The following PTPRN variants were observed in gnomAD, a reference collection of about 807,000 sequenced individuals.
PTPRN encodes the protein receptor-type tyrosine-protein phosphatase-like N.
A neutral mutation model predicts 108.5 loss-of-function variants in PTPRN; 70 were observed. The observed-to-expected ratio is 0.65, with a 90% CI of 0.53 to 0.79. The LOEUF (loss-of-function observed/expected upper bound fraction) is 0.79, where lower values mean the gene tolerates loss of function less well. Among genes scored for constraint, PTPRN ranks in the 30% least tolerant of loss-of-function variants. PTPRN has a pLI of 0.00. For synonymous variants in PTPRN, 496 were observed against 524.6 expected (o/e 0.95, Z 0.75); for missense variants, 1,136 against 1,295.5 (o/e 0.88, Z 1.89).
At position 219,307,455 on chromosome 2, in the gene PTPRN, AGTTGT is replaced by A; in HGVS notation, c.264_268del (p.Gln89HisfsTer10). On this transcript the variant is annotated frameshift_variant, in exon 3 of 23. Transcript: ENST00000295718. LOFTEE classifies it high-confidence loss of function. Reference sequence around the variant, plus strand: ...CACCCAGACCTTACCTTGGGACATGAGTTGTCGGAGCACACCTTGTAAGCGTTGGA... The same window carrying A: ...CACCCAGACCTTACCTTGGGACATGACGGAGCACACCTTGTAAGCGTTGGA... 6.2e-7 allele frequency: 1 copy of A among 1,613,952 alleles called. No homozygotes were observed. The highest frequency in any genetic ancestry group is 8.5e-7 in the Non-Finnish European group (1 of 1,179,928).
intron 18 of PTPRN, 183 bp from the exon 19 acceptor site, chr2:219,295,324 A>C: frequency 1.7e-6 from 1 of 590,492 alleles, no homozygotes; most frequent in African/African-American, 1.9e-5. Context: ...GCTCAGGACC[A>C]CTAGTAGCTT....
At position 219,300,932 on chromosome 2, in the gene PTPRN, T is replaced by C; in HGVS notation, c.1161+11A>G. 1 of 1,613,888 alleles carries C rather than the reference T, an allele frequency of 6.2e-7. No homozygotes were observed. Among genetic ancestry groups the C allele is most frequent in the Non-Finnish European group, 8.5e-7 (1 of 1,179,758 alleles). On this transcript the variant is annotated intron_variant, in intron 8 of 22. Coordinates refer to ENST00000295718, the MANE Select transcript of PTPRN (RefSeq NM_002846.4). ...GGGTGATTATGAGTCAAGGAGGTGCTGGGGACTCACTTTCTTGATATCAGC... is the reference window on the plus strand; with the variant it reads ...GGGTGATTATGAGTCAAGGAGGTGCCGGGGACTCACTTTCTTGATATCAGC...
In PTPRN at chr2:219,302,306, G is replaced by A; in HGVS notation, c.825C>T (p.Asp275=). The A allele has an allele frequency of 6.2e-7, 1 of 1,614,074 alleles. No homozygotes were observed. The highest frequency in any genetic ancestry group is 8.5e-7 in the Non-Finnish European group (1 of 1,179,968). The change falls in exon 6 of 23, where the codon GAC becomes GAT. Residue 275 remains aspartate, a synonymous_variant. Coordinates refer to ENST00000295718, the MANE Select transcript of PTPRN (RefSeq NM_002846.4). The stretch of plus-strand genomic sequence containing the variant: ...CCTGGGCCAGATAGAGCAGCCCAGA[G>A]TCTTGAAAAAGCTGGGCAGGTGAAG... ...PGPSPAQLFQ[D]SGLLYLAQEL... is the part of the protein sequence containing the mutation.
chr2:219,298,989 T>A (rs564100131), intron 12 of PTPRN, 58 bp downstream of exon 12: 1 of 1,599,152 alleles, frequency 6.3e-7, no homozygotes, highest in East Asian at 2.2e-5. Context: ...TGCCTCCAGC[T>A]CTTGCGGACA....
At chr2:219,294,917 G>A (rs1030941916) in intron 19 of PTPRN, 58 bp downstream of exon 19, 49 of 1,376,122 alleles carry the variant, frequency 3.6e-5, no homozygotes, top group Middle Eastern at 2.7e-4. Flanking sequence ...AGCGGCGGGC[G>A]GACCCCGGCT....
Position 219,303,810 on chromosome 2 carries a change from A to G in PTPRN, c.302T>C (p.Leu101Pro). 2 of 1,613,412 alleles carry G rather than the reference A, an allele frequency of 1.2e-6. No individual in the cohort carries two copies. Among genetic ancestry groups the G allele is most frequent in the Non-Finnish European group, 1.7e-6 (2 of 1,179,598 alleles). Residue 101 changes from leucine (L) to proline (P), a missense_variant, in exon 4 of 23, where the codon CTC becomes CCC. By Grantham distance (98) the Leu-to-Pro change is moderately conservative. Coordinates refer to ENST00000295718, the MANE Select transcript of PTPRN (RefSeq NM_002846.4). ...CTCCTGAGAGATCACATACTGGGTGAGGTCATCGTGCCAGGACAATCCTGT... is the reference window on the plus strand; with the variant it reads ...CTCCTGAGAGATCACATACTGGGTGGGGTCATCGTGCCAGGACAATCCTGT... ...MSQGLSWHDD[L>P]TQYVISQEME...
intron 19 of PTPRN, chr2:219,292,418 A>G (rs912798767): frequency 6.6e-6 from 1 of 152,232 alleles, no homozygotes; most frequent in African/African-American, 2.4e-5. Flanking sequence ...CCTGCAAGCC[A>G]GAACCAGGGA....
chr2:219,291,552 G>A, intron 19 of PTPRN, 29 bp from the exon 20 acceptor site: 1 of 1,608,806 alleles, frequency 6.2e-7, no homozygotes, highest in Non-Finnish European at 8.5e-7. Flanking sequence ...GTGAGGGCCA[G>A]TGGGCACCAG....
In PTPRN at chr2:219,295,091, G is replaced by C; in HGVS notation, c.2559C>G (p.Ser853Arg). Residue 853 changes from serine to arginine, a missense_variant, in exon 19 of 23, where the codon AGC becomes AGG. Ser to Arg is a moderately radical substitution (Grantham distance 110). Transcript: ENST00000295718. ...HIWCEDFLVR[S>R]FYLKNVQTQE... ...GGGTCTGCACGTTCTTCAGGTAGAA[G>C]CTCCGCACCAGAAAGTCCTCGCACC... 1 of 1,613,292 alleles carries C rather than the reference G, an allele frequency of 6.2e-7. No individual in the cohort carries two copies.
intron 3 of PTPRN, among the ~76,000 whole-genome samples, chr2:219,304,463 G>T (rs1184168906): frequency 6.6e-6 from 1 of 151,968 alleles, no homozygotes; most frequent in Non-Finnish European, 1.5e-5. Context: ...CTTATTCATA[G>T]ACAGCTCTCC....
Position 219,296,503 on chromosome 2 carries a change from G to C in PTPRN, c.2324C>G (p.Pro775Arg). The C allele has an allele frequency of 6.2e-7, 1 of 1,614,126 alleles. No individual in the cohort carries two copies. The highest frequency in any genetic ancestry group is 1.1e-5 in the South Asian group (1 of 91,082). ...CGTGGCTATGTAGGCTGGCATCCGA[G>C]GGTCATGCTCAATCTGGAGGCAGGG... ...INASPIIEHD[P>R]RMPAYIATQG... Residue 775 changes from proline (P) to arginine (R), a missense_variant, in exon 17 of 23, where the codon CCT becomes CGT. Pro to Arg is a moderately radical substitution (Grantham distance 103). Coordinates refer to ENST00000295718, the MANE Select transcript of PTPRN (RefSeq NM_002846.4). This position sits in a 1 kb window ranked among gnomAD's most constrained non-coding sequence, Gnocchi z 6.0.
In PTPRN at chr2:219,300,046, C is replaced by T; in HGVS notation, c.1375G>A (p.Ala459Thr). 2.5e-6 allele frequency: 4 copies of T among 1,614,230 alleles called. No homozygotes were observed. The highest frequency in any genetic ancestry group is 1.1e-5 in the South Asian group (1 of 91,084). Residue 459 changes from alanine to threonine, a missense_variant, in exon 9 of 23, where the codon GCA (alanine) becomes ACA (threonine). Ala to Thr is a moderately conservative substitution (Grantham distance 58, BLOSUM62 0). Transcript: ENST00000295718. ...SPLGQSQPTV[A>T]GQPSARPAAE... ...GCTGGGCGGGCTGAGGGCTGTCCTG[C>T]CACCGTGGGCTGGCTCTGGCCCAGT...
At chr2:219,299,259 G>C in intron 11 of PTPRN, 46 bp downstream of exon 11, 3 of 1,605,866 alleles carry the variant, frequency 1.9e-6, no homozygotes, top group African/African-American at 1.3e-5. Context: ...CCTCTTAGGA[G>C]TGGGGCTGGG....
At chr2:219,300,905 T>C (rs914666238) in intron 8 of PTPRN, 38 bp downstream of exon 8, 10 of 1,608,864 alleles carry the variant, frequency 6.2e-6, no homozygotes, top group Middle Eastern at 1.7e-4. Context: ...CGTGCTGCCA[T>C]GGGGTGATTA....
chr2:219,294,869 A>T (rs1952143283), intron 19 of PTPRN, 106 bp downstream of exon 19: 2 of 1,178,062 alleles, frequency 1.7e-6, no homozygotes, highest in Non-Finnish European at 2.2e-6. Context: ...CAGAAGTCAG[A>T]GGCCGAGGCT....
At position 219,295,075 on chromosome 2, in the gene PTPRN, C is replaced by G. The variant is rs373906567; in HGVS notation, c.2575G>C (p.Val859Leu). ...AGCGTGCGCGTCTCCTGGGTCTGCA[C>G]GTTCTTCAGGTAGAAGCTCCGCACC... is the stretch of plus-strand genomic sequence containing the variant. ...FLVRSFYLKN[V>L]QTQETRTLTQ... The change falls in exon 19 of 23, where the codon GTG (valine) becomes CTG (leucine). Residue 859 changes from valine to leucine, a missense_variant. Transcript: ENST00000295718. 6.2e-7 allele frequency: 1 copy of G among 1,613,598 alleles called. No homozygotes were observed. The highest frequency in any genetic ancestry group is 8.5e-7 in the Non-Finnish European group (1 of 1,179,670).
In PTPRN at chr2:219,290,368, T is replaced by A; in HGVS notation, c.2869-71A>T. 1.2e-6 allele frequency: 1 copy of A among 836,874 alleles called. No homozygotes were observed. 51.8% of individuals were successfully genotyped at this position (836,874 alleles called of 1,614,324 possible). Reference sequence around the variant, plus strand: ...TGCTCTGCCCTCAAGATGGGGGGCTTTTGGTGGGGGGAGGGCCCTGGGCAG... The same window carrying A: ...TGCTCTGCCCTCAAGATGGGGGGCTATTGGTGGGGGGAGGGCCCTGGGCAG... On this transcript the variant is annotated intron_variant, in intron 22 of 22. Coordinates refer to ENST00000295718, the MANE Select transcript of PTPRN (RefSeq NM_002846.4). The surrounding 1 kb of genome is among the most constrained non-coding windows in gnomAD (Gnocchi z 4.2).
chr2:219,301,867 C>G (rs1559301751), intron 6 of PTPRN, 148 bp from the exon 7 acceptor site: 1 of 1,135,862 alleles, frequency 8.8e-7, no homozygotes, highest in Admixed American at 2.8e-5. Context: ...CTTTCCCAGC[C>G]CTTGTCCACA....
chr2:219,309,082 T>G (rs1952559343), intron 1 of PTPRN, 136 bp downstream of exon 1: 2 of 1,435,152 alleles, frequency 1.4e-6, no homozygotes, highest in Admixed American at 2.3e-5. Flanking sequence ...CTCACCTTCC[T>G]CATCTCGCAT....
Sources: gnomAD v4.1 joint callset for allele counts (sites outside exome capture counted in the v4.1 genomes callset) on GRCh38, gnomAD v4.1.1 for gene constraint, Gnocchi (gnomAD v3.1) non-coding constraint, MANE v1.5 for transcripts, NCBI Gene and HGNC (gene_info 2026-07-23, HGNC 2026-07-21) for gene names.